The following SGCZ variants were observed in gnomAD, a reference collection of about 807,000 sequenced individuals.
SGCZ encodes zeta-sarcoglycan.
SGCZ carries 40 observed loss-of-function variants against 41.3 expected under a neutral mutation model. The ratio of observed to expected loss-of-function variants is 0.97; its 90% CI spans 0.75 to 1.26. The LOEUF is 1.26. Among genes scored for constraint, SGCZ ranks in the 50% most tolerant of loss-of-function variants. The probability of loss-of-function intolerance (pLI) is 0.00; values close to 1 mark genes in which losing one functional copy is unlikely to be tolerated. For synonymous variants in SGCZ, 206 were observed against 137.5 expected (o/e 1.50, Z -3.49); for missense variants, 552 against 369.8 (o/e 1.49, Z -4.04).
intron 1 of SGCZ, among the ~76,000 whole-genome samples, chr8:15,006,678 A>G (rs1015418913): frequency 3.3e-5 from 5 of 152,214 alleles, no homozygotes; most frequent in African/African-American, 1.2e-4. Context: ...CTGGTAATCC[A>G]CCAATGGTGG....
At chr8:14,532,011 G>C (rs939762075) in intron 2 of SGCZ, among the ~76,000 whole-genome samples, 11 of 152,158 alleles carry the variant, frequency 7.2e-5, no homozygotes, top group Admixed American at 5.9e-4. Flanking sequence ...TGTAAAAGTA[G>C]TTGATTTAAT....
rs112042490 is a variant in SGCZ at position 15,073,906 on chromosome 8, C to A, written c.39+163679G>T. On this transcript the variant is annotated intron_variant, in intron 1 of 7. Transcript: ENST00000382080. ...CATGTGGTGGTATGTTTTACATCAA[C>A]AGCCTCTGTATGTGCTTATCTCTGC... 1.2e-3 allele frequency among the ~76,000 whole-genome samples: 178 copies of A among 152,316 alleles called. 2 individuals carry two copies. The highest frequency in any genetic ancestry group is 3.9e-3 in the African/African-American group (162 of 41,562).
chr8:14,912,668 AC>A (rs2130779060), intron 1 of SGCZ, among the ~76,000 whole-genome samples: 1 of 152,202 alleles, frequency 6.6e-6, no homozygotes, highest in South Asian at 2.1e-4. Context: ...GTCACCATTC[AC>A]CTGTGAAGGC....
intron 2 of SGCZ, among the ~76,000 whole-genome samples, chr8:14,531,473 C>T (rs1217106095): frequency 6.6e-6 from 1 of 151,970 alleles, no homozygotes; most frequent in East Asian, 1.9e-4. Context: ...GAAGAAACCA[C>T]TGGGCACCAC....
At chr8:14,213,970 C>T (rs1805905483) in intron 4 of SGCZ, among the ~76,000 whole-genome samples, 1 of 152,084 alleles carries the variant, frequency 6.6e-6, no homozygotes, top group Admixed American at 6.5e-5. Context: ...GCGTGTTCAA[C>T]ATGTTCATAG....
chr8:14,717,674 T>C (rs568788935), intron 1 of SGCZ, among the ~76,000 whole-genome samples: 170 of 152,214 alleles, frequency 1.1e-3, no homozygotes, highest in Non-Finnish European at 2.0e-3. Context: ...TCTTAATAAT[T>C]TTTGAAAATA....
At chr8:14,519,961 T>A (rs1008696683) in intron 2 of SGCZ, among the ~76,000 whole-genome samples, 3 of 152,142 alleles carry the variant, frequency 2.0e-5, no homozygotes, top group Non-Finnish European at 4.4e-5. Context: ...TTAAATTTAT[T>A]CAATAAGTGC....
intron 1 of SGCZ, among the ~76,000 whole-genome samples, chr8:14,752,610 G>A (rs145158782): frequency 0.016 from 2,452 of 152,084 alleles, 28 homozygotes; most frequent in South Asian, 0.052. Context: ...TACTCCCTTG[G>A]TCTATAGGAG....
chr8:15,168,718 C>G (rs1251981559), intron 1 of SGCZ, among the ~76,000 whole-genome samples: 1 of 152,184 alleles, frequency 6.6e-6, no homozygotes, highest in Non-Finnish European at 1.5e-5. Flanking sequence ...CCCTGGGACT[C>G]CTTTGAAAAG....
chr8:14,548,090 T>C (rs1168933757), intron 2 of SGCZ, among the ~76,000 whole-genome samples: 1 of 152,196 alleles, frequency 6.6e-6, no homozygotes, highest in Non-Finnish European at 1.5e-5. Context: ...GGAACACTTT[T>C]ATTATTTTAA....
At chr8:14,193,035 G>C (rs1052589986) in intron 4 of SGCZ, among the ~76,000 whole-genome samples, 3 of 151,684 alleles carry the variant, frequency 2.0e-5, no homozygotes, top group East Asian at 1.9e-4. Context: ...TGGCAGAATG[G>C]GATACTTTTC....
chr8:14,625,275 G>C (rs1806417485), intron 1 of SGCZ, among the ~76,000 whole-genome samples: 1 of 152,056 alleles, frequency 6.6e-6, no homozygotes, highest in Admixed American at 6.6e-5. Flanking sequence ...CTTTATAACT[G>C]ATTACTGTTT....
intron 1 of SGCZ, among the ~76,000 whole-genome samples, chr8:15,007,451 T>C (rs1802645249): frequency 6.6e-6 from 1 of 152,200 alleles, no homozygotes; most frequent in Admixed American, 6.5e-5. Context: ...AGTGGTAAAA[T>C]GTGAGAGGCA....
chr8:15,080,803 A>T (rs1805717441), intron 1 of SGCZ, among the ~76,000 whole-genome samples: 1 of 152,050 alleles, frequency 6.6e-6, no homozygotes, highest in Non-Finnish European at 1.5e-5. Flanking sequence ...CATGTTGGCC[A>T]GGCTGGTCTC....
chr8:14,860,370 G>T (rs550607669), intron 1 of SGCZ, among the ~76,000 whole-genome samples: 1 of 151,648 alleles, frequency 6.6e-6, no homozygotes, highest in Non-Finnish European at 1.5e-5. Flanking sequence ...GGTAACTGCA[G>T]ACTTTAATTG....
chr8:14,443,043 G>T (rs902138615), intron 2 of SGCZ, among the ~76,000 whole-genome samples: 1 of 152,108 alleles, frequency 6.6e-6, no homozygotes, highest in South Asian at 2.1e-4. Flanking sequence ...CAAATCATGA[G>T]TGAACTCCCA....
intron 2 of SGCZ, among the ~76,000 whole-genome samples, chr8:14,446,827 T>C (rs1020168048): frequency 1.1e-4 from 17 of 152,204 alleles, no homozygotes; most frequent in Non-Finnish European, 2.2e-4. Flanking sequence ...TGGACCATTA[T>C]AGTGTTATTT....
At chr8:14,546,640 A>T (rs1220524156) in intron 2 of SGCZ, among the ~76,000 whole-genome samples, 1 of 152,138 alleles carries the variant, frequency 6.6e-6, no homozygotes, top group Non-Finnish European at 1.5e-5. Flanking sequence ...CTTCCATTTA[A>T]TTAATAAAGT....
intron 1 of SGCZ, among the ~76,000 whole-genome samples, chr8:15,189,721 T>C (rs1480855996): frequency 1.3e-5 from 2 of 152,128 alleles, no homozygotes; most frequent in African/African-American, 4.8e-5. Flanking sequence ...GCTAATTTTT[T>C]TGTATTTTTA....
Sources: allele counts gnomAD v4.1 joint callset (sites outside exome capture counted in the v4.1 genomes callset), GRCh38; gene constraint gnomAD v4.1.1; transcripts MANE v1.5; gene names NCBI Gene and HGNC (gene_info 2026-07-23, HGNC 2026-07-21).